The following TENM1 variants were observed in gnomAD, a reference collection of about 807,000 sequenced individuals.
TENM1 encodes teneurin-1.
TENM1 carries 35 observed loss-of-function variants against 174.8 expected under a neutral mutation model. The ratio of observed to expected loss-of-function variants is 0.20; its 90% CI spans 0.15 to 0.27. The LOEUF (loss-of-function observed/expected upper bound fraction) is 0.27, where lower values mean the gene tolerates loss of function less well. Ranked by LOEUF, TENM1 falls within the 10% of genes least tolerant of loss-of-function variation. The pLI is 1.00. For synonymous variants in TENM1, 781 were observed against 798.7 expected (o/e 0.98, Z 0.37); for missense variants, 1,633 against 2,130.1 (o/e 0.77, Z 4.59).
chrX:124,790,005 T>G (rs928424875), intron 3 of TENM1, among the ~76,000 whole-genome samples: 3 of 112,228 alleles, frequency 2.7e-5, no homozygotes, highest in African/African-American at 9.7e-5. Flanking sequence ...CAGTTCCACA[T>G]GGCTGAGAAG....
At chrX:124,752,729 G>T (rs2054110616) in intron 3 of TENM1, among the ~76,000 whole-genome samples, 1 of 111,039 alleles carries the variant, frequency 9.0e-6, no homozygotes, top group Non-Finnish European at 1.9e-5. Flanking sequence ...AGTTTTCCCA[G>T]CACCATTTAT....
intron 15 of TENM1, among the ~76,000 whole-genome samples, chrX:124,535,841 C>A (rs1361852774): frequency 8.9e-6 from 1 of 112,011 alleles, no homozygotes; most frequent in Non-Finnish European, 1.9e-5. Context: ...ATGCTCATGG[C>A]ACTGCTTCAA....
intron 3 of TENM1, among the ~76,000 whole-genome samples, chrX:124,884,145 T>G (rs2057345900): frequency 9.0e-6 from 1 of 110,840 alleles, no homozygotes; most frequent in South Asian, 3.8e-4. Flanking sequence ...AGCCTGTCAT[T>G]AGGGTGCTTG....
intron 23 of TENM1, among the ~76,000 whole-genome samples, chrX:124,444,428 C>T (rs967831440): frequency 8.9e-6 from 1 of 111,853 alleles, no homozygotes; most frequent in African/African-American, 3.3e-5. Context: ...GAAAAAATCC[C>T]GGTCAACTTT....
chrX:124,603,125 T>C (rs917284708), intron 11 of TENM1, among the ~76,000 whole-genome samples: 1 of 110,212 alleles, frequency 9.1e-6, no homozygotes, highest in African/African-American at 3.3e-5. Context: ...CTCCCCAGAG[T>C]CTCCAGAGGG....
At chrX:124,635,421 T>C (rs1450915027) in intron 11 of TENM1, among the ~76,000 whole-genome samples, 2 of 112,323 alleles carry the variant, frequency 1.8e-5, no homozygotes, top group Non-Finnish European at 3.8e-5. Flanking sequence ...TAATACCTTA[T>C]ATGATTTCTG....
At chrX:124,865,814 A>G (rs974644356) in intron 3 of TENM1, among the ~76,000 whole-genome samples, 2 of 111,957 alleles carry the variant, frequency 1.8e-5, no homozygotes, top group East Asian at 5.6e-4. Flanking sequence ...GAATGGAAAA[A>G]GATATTACAT....
At chrX:125,142,944 G>A in the TENM1 span, among the ~76,000 whole-genome samples, 1 of 111,633 alleles carries the variant, frequency 9.0e-6, no homozygotes. Flanking sequence ...TTGACATGGT[G>A]TACCAAGAAG....
the TENM1 span, among the ~76,000 whole-genome samples, chrX:125,161,892 C>G: frequency 5.3e-5 from 6 of 112,153 alleles, no homozygotes. Flanking sequence ...GATCCTGACT[C>G]AATCACAGAG....
At position 124,633,510 on chromosome X, in the gene TENM1, G is replaced by A. The variant is rs181012899; in HGVS notation, c.2077+8281C>T. Reference sequence around the variant, plus strand: ...CCTGCTAATAATGGTATAACGTGTGGTTTTATTGTCTCAGAACAAAAATGT... The same window carrying A: ...CCTGCTAATAATGGTATAACGTGTGATTTTATTGTCTCAGAACAAAAATGT... On this transcript the variant is annotated intron_variant, in intron 11 of 31. Transcript: ENST00000422452. 1.1e-3 allele frequency among the ~76,000 whole-genome samples: 120 copies of A among 111,255 alleles called. 1 individual carries two copies. The highest frequency in any genetic ancestry group is 3.5e-3 in the African/African-American group (109 of 30,731).
intron 4 of TENM1, among the ~76,000 whole-genome samples, chrX:124,722,320 G>A (rs996061685): frequency 8.1e-5 from 9 of 111,725 alleles, no homozygotes; most frequent in African/African-American, 2.3e-4. Flanking sequence ...ATCTTCTTCA[G>A]TAACAAGGGA....
At chrX:124,777,077 T>C (rs2054802074) in intron 3 of TENM1, among the ~76,000 whole-genome samples, 1 of 111,168 alleles carries the variant, frequency 9.0e-6, no homozygotes, top group Non-Finnish European at 1.9e-5. Context: ...TAAGCAGTCA[T>C]CCTCCTTCTC....
chrX:124,587,751 C>A (rs1222100538), intron 11 of TENM1, among the ~76,000 whole-genome samples: 3 of 111,153 alleles, frequency 2.7e-5, no homozygotes, highest in African/African-American at 9.8e-5. Context: ...AGTGAACAGG[C>A]AACCTACAAA....
chrX:124,654,808 G>A (rs1400364572), intron 6 of TENM1, among the ~76,000 whole-genome samples: 2 of 111,545 alleles, frequency 1.8e-5, no homozygotes, highest in Non-Finnish European at 3.8e-5. Flanking sequence ...GAGGTGGGAC[G>A]AATTAGAGCA....
the TENM1 span, among the ~76,000 whole-genome samples, chrX:125,190,314 G>A: frequency 8.9e-6 from 1 of 112,262 alleles, no homozygotes; most frequent in African/African-American, 3.2e-5. Flanking sequence ...GGTGACTGTG[G>A]CTGAATAGCC....
At chrX:125,156,551 C>A in the TENM1 span, among the ~76,000 whole-genome samples, 1 of 112,042 alleles carries the variant, frequency 8.9e-6, no homozygotes, top group African/African-American at 3.2e-5. Flanking sequence ...GGATAATGGC[C>A]TTCATCTGTA....
At chrX:124,543,645 A>G (rs2048368038) in intron 15 of TENM1, among the ~76,000 whole-genome samples, 1 of 112,447 alleles carries the variant, frequency 8.9e-6, no homozygotes, top group Non-Finnish European at 1.9e-5. Flanking sequence ...AAAAAGTAAT[A>G]AGTCGTACAG....
At chrX:124,955,797 GCACACACA>G (rs376755403) in intron 1 of TENM1, among the ~76,000 whole-genome samples, 23 of 91,246 alleles carry the variant, frequency 2.5e-4, no homozygotes, top group African/African-American at 1.1e-3. Flanking sequence ...ACACGCGCAC[GCACACACA>G]CACACACACA....
chrX:124,464,859 T>C (rs957427302), intron 22 of TENM1, among the ~76,000 whole-genome samples: 5 of 111,805 alleles, frequency 4.5e-5, no homozygotes, highest in African/African-American at 1.3e-4. Context: ...GAACGCGACA[T>C]TGAGAGGCAT....
Sources: gnomAD v4.1 joint callset for allele counts (sites outside exome capture counted in the v4.1 genomes callset) on GRCh38, gnomAD v4.1.1 for gene constraint, MANE v1.5 for transcripts, NCBI Gene and HGNC (gene_info 2026-07-23, HGNC 2026-07-21) for gene names.